The following MYO3A variants were observed in gnomAD, a reference collection of about 807,000 sequenced individuals.
MYO3A encodes the protein myosin-IIIa.
In MYO3A, 180 loss-of-function variants were observed where a neutral mutation model predicts 192.7. The observed-to-expected ratio is 0.93, with a 90% confidence interval of 0.83 to 1.06. The LOEUF is 1.06. Ranked by LOEUF, MYO3A falls within the 50% of genes least tolerant of loss-of-function variation. The pLI, the probability that MYO3A is intolerant of heterozygous loss-of-function variation, is 0.00. For missense variants in MYO3A, 1,896 were observed against 1,905.0 expected (o/e 1.00, Z 0.09); for synonymous variants, 628 against 645.3 (o/e 0.97, Z 0.41).
intron 26 of MYO3A, among the ~76,000 whole-genome samples, chr10:26,160,427 G>A (rs751072716): frequency 2.2e-4 from 33 of 152,208 alleles, no homozygotes; most frequent in South Asian, 6.2e-4. Flanking sequence ...AGGATCATTT[G>A]ATGCCAGGAG....
intron 17 of MYO3A, among the ~76,000 whole-genome samples, chr10:26,113,649 T>C (rs895939176): frequency 2.6e-5 from 4 of 152,130 alleles, no homozygotes; most frequent in African/African-American, 9.7e-5. Context: ...TTGGCCAACA[T>C]TGATGACTTG....
At chr10:26,134,449 C>T (rs1370027274) in intron 20 of MYO3A, among the ~76,000 whole-genome samples, 2 of 150,438 alleles carry the variant, frequency 1.3e-5, no homozygotes, top group South Asian at 2.1e-4. Context: ...CAAGAGTTCA[C>T]GTTTTTACAG....
chr10:26,087,284 C>A (rs1298526462), intron 14 of MYO3A, among the ~76,000 whole-genome samples: 1 of 152,144 alleles, frequency 6.6e-6, no homozygotes, highest in African/African-American at 2.4e-5. Context: ...ATAAGATACC[C>A]AAAGTTCTTA....
chr10:26,130,022 G>A (rs1474214344), intron 20 of MYO3A, among the ~76,000 whole-genome samples: 1 of 151,972 alleles, frequency 6.6e-6, no homozygotes, highest in Non-Finnish European at 1.5e-5. Context: ...TGGTGGTTGG[G>A]TAGACTCTGG....
chr10:26,037,460 T>C (rs1843100102), intron 10 of MYO3A, among the ~76,000 whole-genome samples: 1 of 152,146 alleles, frequency 6.6e-6, no homozygotes, highest in Admixed American at 6.6e-5. Context: ...GAGATAAAGG[T>C]TTTGAAATTT....
chr10:25,986,754 G>A (rs1016689189), intron 4 of MYO3A, among the ~76,000 whole-genome samples: 3 of 152,146 alleles, frequency 2.0e-5, no homozygotes, highest in East Asian at 3.9e-4. Flanking sequence ...TCATGGATAT[G>A]TAGAATCAAT....
chr10:26,102,698 G>A (rs563524237), intron 17 of MYO3A, among the ~76,000 whole-genome samples: 16 of 152,330 alleles, frequency 1.1e-4, no homozygotes, highest in African/African-American at 1.7e-4. Context: ...TATCACCAGC[G>A]GAGGCTGCAG....
At chr10:26,152,031 A>G (rs1840820255) in intron 23 of MYO3A, among the ~76,000 whole-genome samples, 1 of 152,218 alleles carries the variant, frequency 6.6e-6, no homozygotes, top group Non-Finnish European at 1.5e-5. Context: ...ATATACACCA[A>G]CAGCATCTAT....
chr10:26,118,316 C>G (rs959035021), intron 17 of MYO3A, among the ~76,000 whole-genome samples: 3 of 152,190 alleles, frequency 2.0e-5, no homozygotes, highest in Non-Finnish European at 4.4e-5. Flanking sequence ...ATACATATTA[C>G]AAATGCTAAT....
intron 15 of MYO3A, among the ~76,000 whole-genome samples, chr10:26,092,014 A>T (rs1836730393): frequency 6.6e-6 from 1 of 152,258 alleles, no homozygotes; most frequent in Non-Finnish European, 1.5e-5. Context: ...TCATGAAAGT[A>T]GGAAATGAGT....
chr10:25,965,538 C>G (rs1838203823), intron 4 of MYO3A, among the ~76,000 whole-genome samples: 1 of 152,024 alleles, frequency 6.6e-6, no homozygotes, highest in South Asian at 2.1e-4. Flanking sequence ...CTTGGCTGCC[C>G]CAGTTGGTGT....
chr10:25,995,392 A>G (rs1840359923), intron 4 of MYO3A, among the ~76,000 whole-genome samples: 3 of 152,088 alleles, frequency 2.0e-5, no homozygotes, highest in Non-Finnish European at 4.4e-5. Context: ...TGGTTATTCT[A>G]GTTAGCCATT....
chr10:26,194,052 A>G (rs533049283), intron 32 of MYO3A, among the ~76,000 whole-genome samples: 1 of 152,234 alleles, frequency 6.6e-6, no homozygotes, highest in South Asian at 2.1e-4. Context: ...CCTGTGATCC[A>G]TCAGTGGCTC....
intron 14 of MYO3A, among the ~76,000 whole-genome samples, chr10:26,084,047 TA>T: frequency 6.6e-6 from 1 of 152,342 alleles, no homozygotes; most frequent in South Asian, 2.1e-4. Context: ...AGATAATAGC[TA>T]TAGAAAGGCC....
Position 26,173,879 on chromosome 10 carries a change from C to A in MYO3A, c.3615C>A (p.Tyr1205Ter). The change falls in exon 30 of 35, where the codon TAC becomes TAA. Residue 1205 changes from tyrosine (Y) to a stop codon, truncating the protein, a stop_gained. Coordinates refer to ENST00000642920, the MANE Select transcript of MYO3A (RefSeq NM_017433.5). LOFTEE classifies it high-confidence loss of function. ...AGGAAGAGGTTAAGCAAGAATTCTACCTTGTAGGGCCAGAAGTAAGCCCCA... is the reference window on the plus strand; with the variant it reads ...AGGAAGAGGTTAAGCAAGAATTCTAACTTGTAGGGCCAGAAGTAAGCCCCA... ...VYEEEVKQEFYLVGPEVSPKQ... is the reference protein window; with the variant it reads ...VYEEEVKQEF The A allele has an allele frequency of 6.2e-7, 1 of 1,613,946 alleles. No homozygotes were observed. The highest frequency in any genetic ancestry group is 2.2e-5 in the East Asian group (1 of 44,880).
intron 4 of MYO3A, among the ~76,000 whole-genome samples, chr10:25,956,024 T>C (rs1359326196): frequency 6.6e-6 from 1 of 152,166 alleles, no homozygotes; most frequent in Non-Finnish European, 1.5e-5. Context: ...GCCTGTTCAC[T>C]TCCAAGATGG....
chr10:26,002,054 G>A (rs1343930188), intron 6 of MYO3A, among the ~76,000 whole-genome samples: 1 of 152,126 alleles, frequency 6.6e-6, no homozygotes, highest in Non-Finnish European at 1.5e-5. Context: ...CTATCTAAAA[G>A]GACTTATGGA....
intron 18 of MYO3A, among the ~76,000 whole-genome samples, chr10:26,121,258 A>G (rs950416429): frequency 6.6e-6 from 1 of 151,606 alleles, no homozygotes; most frequent in African/African-American, 2.4e-5. Context: ...GAAGCATGTC[A>G]TAGTATTTGC....
chr10:26,050,999 CAT>C (rs1843964475), intron 10 of MYO3A, among the ~76,000 whole-genome samples: 1 of 152,194 alleles, frequency 6.6e-6, no homozygotes. Flanking sequence ...CAGAGTGTAA[CAT>C]ATCTTTTCTT....
Sources: allele counts gnomAD v4.1 joint callset (sites outside exome capture counted in the v4.1 genomes callset), GRCh38; gene constraint gnomAD v4.1.1; transcripts MANE v1.5; gene names NCBI Gene and HGNC (gene_info 2026-07-23, HGNC 2026-07-21).